The following KCNAB1 variants were observed in gnomAD, a reference collection of about 807,000 sequenced individuals.
KCNAB1 encodes the protein potassium voltage-gated channel subfamily A regulatory beta subunit 1.
A neutral mutation model predicts 64.6 loss-of-function variants in KCNAB1; 35 were observed. The ratio of observed to expected loss-of-function variants is 0.54; its 90% CI spans 0.41 to 0.72. The LOEUF (loss-of-function observed/expected upper bound fraction) is 0.72. Among genes scored for constraint, KCNAB1 ranks in the 30% least tolerant of loss-of-function variants. KCNAB1 has a pLI of 0.00. For missense variants in KCNAB1, 401 were observed against 512.9 expected (o/e 0.78, Z 2.11); for synonymous variants, 177 against 183.8 (o/e 0.96, Z 0.30).
intron 1 of KCNAB1, among the ~76,000 whole-genome samples, chr3:156,362,776 T>G (rs1725691509): frequency 6.6e-6 from 1 of 152,182 alleles, no homozygotes; most frequent in Non-Finnish European, 1.5e-5. Flanking sequence ...ATCTACTGGC[T>G]CCTGGAAAAA....
intron 1 of KCNAB1, among the ~76,000 whole-genome samples, chr3:156,324,179 T>C (rs1474587593): frequency 6.6e-6 from 1 of 152,152 alleles, no homozygotes; most frequent in Non-Finnish European, 1.5e-5. Flanking sequence ...GAAACCATAA[T>C]CTAAGCCCTG....
chr3:156,385,072 T>C (rs997283771), intron 1 of KCNAB1, among the ~76,000 whole-genome samples: 2 of 152,226 alleles, frequency 1.3e-5, no homozygotes, highest in Non-Finnish European at 2.9e-5. Context: ...TTTGTGCAAG[T>C]AGAGTTTGCC....
intron 1 of KCNAB1, among the ~76,000 whole-genome samples, chr3:156,419,104 C>T (rs1453745367): frequency 6.6e-6 from 1 of 152,190 alleles, no homozygotes. Flanking sequence ...TCATTATCTT[C>T]AGTTGCTGCC....
intron 8 of KCNAB1, among the ~76,000 whole-genome samples, chr3:156,475,849 A>T (rs560358316): frequency 6.6e-6 from 1 of 152,348 alleles, no homozygotes; most frequent in South Asian, 2.1e-4. Context: ...TAAAAAAGTT[A>T]TGGAAATTAT....
intron 1 of KCNAB1, among the ~76,000 whole-genome samples, chr3:156,183,688 C>T (rs1713008974): frequency 6.6e-6 from 1 of 152,198 alleles, no homozygotes; most frequent in Non-Finnish European, 1.5e-5. Context: ...AGTACAGAAC[C>T]TAGGTCCTTG....
chr3:156,531,781 C>T (rs1418080319), intron 13 of KCNAB1, among the ~76,000 whole-genome samples: 4 of 152,208 alleles, frequency 2.6e-5, no homozygotes, highest in Non-Finnish European at 4.4e-5. Flanking sequence ...TAAAAGCCGG[C>T]CTGATAACTT....
At chr3:156,263,403 C>T (rs556665097) in intron 1 of KCNAB1, among the ~76,000 whole-genome samples, 1 of 151,978 alleles carries the variant, frequency 6.6e-6, no homozygotes, top group African/African-American at 2.4e-5. Context: ...TAGAATAGTC[C>T]TATTTAATTT....
intron 1 of KCNAB1, among the ~76,000 whole-genome samples, chr3:156,178,072 A>C (rs1235916440): frequency 6.6e-6 from 1 of 152,170 alleles, no homozygotes; most frequent in African/African-American, 2.4e-5. Flanking sequence ...AGGAAGGGTC[A>C]CCAGACTTCC....
chr3:156,149,331 C>T (rs573883144), intron 1 of KCNAB1, among the ~76,000 whole-genome samples: 8 of 152,002 alleles, frequency 5.3e-5, no homozygotes, highest in African/African-American at 1.4e-4. Context: ...CAGAAAAGCT[C>T]GAGTATCCGA....
In KCNAB1 at chr3:156,428,488, T is replaced by TATACACACACACAC. The variant is rs1257782168; in HGVS notation, c.319+6830_319+6831insTACACACACACACA. The stretch of plus-strand genomic sequence containing the variant: ...GAGCCAATTCCTTATAATTCCTCTA[T>TATACACACACACAC]ACACACACACACACACACACACACA... On this transcript the variant is annotated intron_variant, in intron 2 of 13. Coordinates refer to ENST00000490337, the MANE Select transcript of KCNAB1 (RefSeq NM_172160.3). 6.3e-5 allele frequency among the ~76,000 whole-genome samples: 8 copies of TATACACACACACAC among 127,568 alleles called. No individual in the cohort carries two copies. In the East Asian group the frequency reaches 1.5e-3, roughly 25 times the overall value. The allele number at this position is 127,568 out of a possible 152,430, so 83.7% of individuals were successfully genotyped here.
At chr3:156,491,659 T>C (rs1715639496) in intron 8 of KCNAB1, among the ~76,000 whole-genome samples, 1 of 152,134 alleles carries the variant, frequency 6.6e-6, no homozygotes, top group South Asian at 2.1e-4. Flanking sequence ...TAAGCTAATA[T>C]TTAATTTAGG....
At chr3:156,210,208 T>TC (rs962055400) in intron 1 of KCNAB1, among the ~76,000 whole-genome samples, 1 of 152,122 alleles carries the variant, frequency 6.6e-6, no homozygotes, top group Non-Finnish European at 1.5e-5. Context: ...TGCCTCTGCC[T>TC]CCCCTTGCTT....
chr3:156,142,985 C>T, intron 1 of KCNAB1: 1 of 1,273,764 alleles, frequency 7.9e-7, no homozygotes, highest in Non-Finnish European at 9.9e-7. Flanking sequence ...GGCAGGGACA[C>T]ACAACCAACA....
At position 156,259,490 on chromosome 3, in the gene KCNAB1, A is replaced by C. The variant is rs371031039; in HGVS notation, c.275+138604A>C. On this transcript the variant is annotated intron_variant, in intron 1 of 13. Transcript: ENST00000490337. ...TTTCTTTTTGTTTTGGACTGTCCTC[A>C]TGTTGTCTAAAGCTCTTAGTTCTGC... 2.0e-5 allele frequency among the ~76,000 whole-genome samples: 3 copies of C among 152,228 alleles called. No individual in the cohort carries two copies. The East Asian group carries it at 5.8e-4, about 29-fold the overall frequency.
At chr3:156,397,000 G>A (rs763407684) in intron 1 of KCNAB1, among the ~76,000 whole-genome samples, 2 of 152,150 alleles carry the variant, frequency 1.3e-5, no homozygotes, top group Non-Finnish European at 2.9e-5. Flanking sequence ...TGGTATTTAC[G>A]ATTGATGTGT....
chr3:156,238,852 A>G (rs1717006919), intron 1 of KCNAB1, among the ~76,000 whole-genome samples: 2 of 152,256 alleles, frequency 1.3e-5, no homozygotes, highest in African/African-American at 2.4e-5. Context: ...TAAACCAGCT[A>G]GCTGACAGTG....
intron 1 of KCNAB1, among the ~76,000 whole-genome samples, chr3:156,161,624 A>T (rs897658660): frequency 2.0e-5 from 3 of 152,204 alleles, no homozygotes; most frequent in African/African-American, 7.2e-5. Flanking sequence ...TTTTGAATAT[A>T]GGTAACTGTC....
intron 1 of KCNAB1, among the ~76,000 whole-genome samples, chr3:156,152,410 A>G (rs1204361338): frequency 6.6e-6 from 1 of 152,176 alleles, no homozygotes; most frequent in African/African-American, 2.4e-5. Context: ...GCCGAAGGAG[A>G]GGCCTGATAC....
intron 1 of KCNAB1, among the ~76,000 whole-genome samples, chr3:156,218,916 A>G (rs1413531592): frequency 6.6e-6 from 1 of 151,952 alleles, no homozygotes; most frequent in Non-Finnish European, 1.5e-5. Context: ...GGGGGAGAAC[A>G]CCACATCAAG....
Sources: gnomAD v4.1 joint callset for allele counts (sites outside exome capture counted in the v4.1 genomes callset) on GRCh38, gnomAD v4.1.1 for gene constraint, MANE v1.5 for transcripts, NCBI Gene and HGNC (gene_info 2026-07-23, HGNC 2026-07-21) for gene names.